ZNF217: variants seen among roughly 807,000 people sequenced by gnomAD.
ZNF217 encodes the protein zinc finger protein 217.
Under a neutral mutation model 73.3 loss-of-function variants are expected in ZNF217, and 12 were observed. The ratio of observed to expected loss-of-function variants is 0.16; its 90% CI spans 0.10 to 0.27. The LOEUF (loss-of-function observed/expected upper bound fraction) is 0.27. ZNF217 is among the 10% of genes least tolerant of loss of function. The probability of loss-of-function intolerance (pLI) is 1.00; values close to 1 mark genes in which losing one functional copy is unlikely to be tolerated. For synonymous variants in ZNF217, 588 were observed against 516.4 expected (o/e 1.14, Z -1.88); for missense variants, 1,195 against 1,327.8 (o/e 0.90, Z 1.55).
upstream of ZNF217, among the ~76,000 whole-genome samples, chr20:53,596,959 G>A (rs573128472): frequency 2.8e-4 from 42 of 151,644 alleles, no homozygotes; most frequent in South Asian, 1.2e-3. Context: ...CCTAGTATGC[G>A]CTTATAAAAT....
At position 53,575,878 on chromosome 20, in the gene ZNF217, C is replaced by T. The variant is rs45439395; in HGVS notation, c.2886G>A (p.Pro962=). The T allele has an allele frequency of 6.4e-3, 10,410 of 1,614,204 alleles. 48 individuals are homozygous for T. The highest frequency in any genetic ancestry group is 7.9e-3 in the Non-Finnish European group (9,357 of 1,180,040). Reference sequence around the variant, plus strand: ...TTGGTTTGGGAGGCAGCGCCTGCGACGGATACACACAGTCCTGCGGTAACA... The same window carrying T: ...TTGGTTTGGGAGGCAGCGCCTGCGATGGATACACACAGTCCTGCGGTAACA... ...TSLLPQDCVY[P]SQALPPKPRF... Residue 962 remains proline, a synonymous_variant, in exon 4 of 6, where the codon CCG becomes CCA. Coordinates refer to ENST00000371471, the MANE Select transcript of ZNF217 (RefSeq NM_006526.3).
At position 53,569,064 on chromosome 20, in the gene ZNF217, C is replaced by A; in HGVS notation, c.*224G>T. The A allele has an allele frequency of 8.8e-7, 1 of 1,141,424 alleles. No homozygotes were observed. The highest frequency in any genetic ancestry group is 1.8e-5 in the South Asian group (1 of 56,080). The allele number at this position is 1,141,424 out of a possible 1,614,324, so 70.7% of individuals were successfully genotyped here. ...CAGTCCCCATGTATGTAAGTTCCAA[C>A]TGTTCCAACTAGTTTGTATTGCTAT... On this transcript the variant is annotated 3_prime_UTR_variant, in exon 6 of 6. Transcript: ENST00000371471.
intron 4 of ZNF217, 111 bp downstream of exon 4, chr20:53,575,609 GAACTTCT>G: frequency 1.0e-6 from 1 of 979,528 alleles, no homozygotes; most frequent in Admixed American, 3.0e-5. Flanking sequence ...TGACCCCCAA[GAACTTCT>G]GGCTGCCTAC....
Position 53,567,563 on chromosome 20 carries a change from C to G in ZNF217, c.*1725G>C, listed in dbSNP as rs1246919147. On this transcript the variant is annotated 3_prime_UTR_variant, in exon 6 of 6. Coordinates refer to ENST00000371471, the MANE Select transcript of ZNF217 (RefSeq NM_006526.3). Reference sequence around the variant, plus strand: ...TCTAGTCACAGCAAGCTCTCTGTAACACTCATTGGATTAGGCAAAGATTGA... The same window carrying G: ...TCTAGTCACAGCAAGCTCTCTGTAAGACTCATTGGATTAGGCAAAGATTGA... 6.6e-6 allele frequency: 1 copy of G among 152,540 alleles called. No homozygotes were observed. The highest frequency in any genetic ancestry group is 2.4e-5 in the African/African-American group (1 of 41,412). The allele number at this position is 152,540 out of a possible 1,614,324, so 9.4% of individuals were successfully genotyped here. A position where few individuals can be genotyped will look rare whatever the true frequency, so the allele number is the denominator to read the frequency against.
Position 53,582,581 on chromosome 20 carries a change from T to C in ZNF217, c.246A>G (p.Lys82=), listed in dbSNP as rs1205675159. Residue 82 remains lysine (K), a synonymous_variant, in exon 2 of 6, where the codon AAA becomes AAG. Transcript: ENST00000371471. The surrounding 1 kb of genome is among the most constrained non-coding windows in gnomAD (Gnocchi z 4.8). The part of the protein sequence containing the change: ...QTFTHSEDLN[K]HVLMQHRPTL... Reference sequence around the variant, plus strand: ...TAGGCCGGTGTTGCATTAAGACATGTTTATTAAGGTCTTCTGAATGTGTGA... The same window carrying C: ...TAGGCCGGTGTTGCATTAAGACATGCTTATTAAGGTCTTCTGAATGTGTGA... The C allele has an allele frequency of 2.5e-6, 4 of 1,614,024 alleles. No individual in the cohort carries two copies. Among genetic ancestry groups the C allele is most frequent in the African/African-American group, 2.7e-5 (2 of 74,896 alleles).
At chr20:53,578,605 C>G (rs889196795) in intron 2 of ZNF217, among the ~76,000 whole-genome samples, 155 bp from the exon 3 acceptor site, 3 of 152,192 alleles carry the variant, frequency 2.0e-5, no homozygotes, top group African/African-American at 7.2e-5. Flanking sequence ...TAGACACACA[C>G]CAAATGCTGT....
At chr20:53,574,300 G>C (rs1467646784) in intron 4 of ZNF217, 2 of 152,158 alleles carry the variant, frequency 1.3e-5, no homozygotes, top group Non-Finnish European at 2.9e-5. Context: ...ACATTTAACA[G>C]CAAAACGGTT....
intron 1 of ZNF217, among the ~76,000 whole-genome samples, chr20:53,584,790 G>C (rs1988631078): frequency 6.6e-6 from 1 of 152,122 alleles, no homozygotes; most frequent in East Asian, 1.9e-4. Flanking sequence ...AGTGACTTAG[G>C]TTTCTATACA....
chr20:53,575,903 A>C lies in ZNF217; in HGVS notation c.2861T>G (p.Leu954Arg). The C allele has an allele frequency of 6.2e-7, 1 of 1,614,198 alleles. No individual in the cohort carries two copies. Among genetic ancestry groups the C allele is most frequent in the Non-Finnish European group, 8.5e-7 (1 of 1,180,038 alleles). Residue 954 changes from leucine to arginine, a missense_variant, in exon 4 of 6, where the codon CTG becomes CGG. This residue lies in a region of ZNF217 where 649 missense variants were observed against 642.8 expected (regional missense o/e 1.01). Coordinates refer to ENST00000371471, the MANE Select transcript of ZNF217 (RefSeq NM_006526.3). ...CGGATACACACAGTCCTGCGGTAACAGTGATGTGATGCCTCTGACCATATG... is the reference window on the plus strand; with the variant it reads ...CGGATACACACAGTCCTGCGGTAACCGTGATGTGATGCCTCTGACCATATG... ...KYHMVRGITS[L>R]LPQDCVYPSQ...
rs1988011429 is a variant in ZNF217 at position 53,571,655 on chromosome 20, C to T, written c.*23+66G>A. 4 of 1,535,854 alleles carry T rather than the reference C, an allele frequency of 2.6e-6. No individual in the cohort carries two copies. In the Admixed American group the frequency reaches 6.2e-5, roughly 24 times the overall value. The stretch of plus-strand genomic sequence containing the variant: ...TGCTCGATCTCAGGTGATCCGCCCG[C>T]CCTGACCTCCCAAATGGCCACCGCA... On this transcript the variant is annotated intron_variant, in intron 5 of 5. Transcript: ENST00000371471.
rs1297453140 is a variant in ZNF217, at chr20:53,581,515, C to G, written c.1312G>C (p.Glu438Gln). 1 of 1,614,064 alleles carries G rather than the reference C, an allele frequency of 6.2e-7. No homozygotes were observed. Among genetic ancestry groups the G allele is most frequent in the Non-Finnish European group, 8.5e-7 (1 of 1,179,940 alleles). The stretch of plus-strand genomic sequence containing the variant: ...TCAGATCCGTCTTCAGAACCACCTT[C>G]CCCTCGATCCACGGCTCCATTTTCA... Reference protein sequence around the residue: ...LDENGAVDRGEGGSEDGSEDG... With the variant: ...LDENGAVDRGQGGSEDGSEDG... Residue 438 changes from glutamate (E) to glutamine (Q), a missense_variant, in exon 2 of 6, where the codon GAA (glutamate) becomes CAA (glutamine). Physicochemically the swap from Glu to Gln is conservative, Grantham distance 29. Coordinates refer to ENST00000371471, the MANE Select transcript of ZNF217 (RefSeq NM_006526.3). The surrounding 1 kb of genome is among the most constrained non-coding windows in gnomAD (Gnocchi z 4.9).
At position 53,581,607 on chromosome 20, in the gene ZNF217, G is replaced by A. The variant is rs769370318; in HGVS notation, c.1220C>T (p.Ser407Leu). 2.7e-5 allele frequency: 44 copies of A among 1,614,074 alleles called. No homozygotes were observed. The highest frequency in any genetic ancestry group is 2.0e-4 in the Admixed American group (12 of 60,012). ...HKKDRRAGAE[S>L]PTMSVDGRQP... ...CCTCCCGTCCACAGACATGGTGGGC[G>A]ACTCCGCGCCGGCCCTCCGGTCCTT... The change falls in exon 2 of 6, where the codon TCG becomes TTG. Residue 407 changes from serine (S) to leucine (L), a missense_variant. Around this residue, in one of 9 missense-constraint regions of ZNF217, gnomAD observed 116 missense variants for 121.9 expected, o/e 0.95. Transcript: ENST00000371471. The surrounding 1 kb of genome is among the most constrained non-coding windows in gnomAD (Gnocchi z 4.9).
At position 53,577,113 on chromosome 20, in the gene ZNF217, T is replaced by G. The variant is rs1333424497; in HGVS notation, c.1651A>C (p.Ser551Arg). 6.2e-7 allele frequency: 1 copy of G among 1,614,260 alleles called. No individual in the cohort carries two copies. Among genetic ancestry groups the G allele is most frequent in the East Asian group, 2.2e-5 (1 of 44,890 alleles). The change falls in exon 4 of 6, where the codon AGT (serine) becomes CGT (arginine). Residue 551 changes from serine to arginine, a missense_variant. This residue lies in a region of ZNF217 where 649 missense variants were observed against 642.8 expected (regional missense o/e 1.01). Transcript: ENST00000371471. ...CTTTTCAAATTTTTGGTTTGCGCAC[T>G]GTCAGCGGTTAATAGTGCATCTTCA... ...DTEDALLTADSAQTKNLKRFF... is the reference protein window; with the variant it reads ...DTEDALLTADRAQTKNLKRFF...
At chr20:53,569,823 T>C (rs1375321370) in intron 5 of ZNF217, among the ~76,000 whole-genome samples, 1 of 152,172 alleles carries the variant, frequency 6.6e-6, no homozygotes, top group Non-Finnish European at 1.5e-5. Flanking sequence ...TAAAAGGCAG[T>C]TGCCATGCAC....
At chr20:53,596,834 A>G (rs1989048703), upstream of ZNF217, among the ~76,000 whole-genome samples, 2 of 152,002 alleles carry the variant, frequency 1.3e-5, no homozygotes, top group Admixed American at 1.3e-4. Context: ...AGCTCTGCAC[A>G]TGGTACTTGG....
At chr20:53,575,656 A>G (rs917718445) in intron 4 of ZNF217, 71 bp downstream of exon 4, 13 of 1,422,900 alleles carry the variant, frequency 9.1e-6, no homozygotes, top group Non-Finnish European at 1.2e-5. Context: ...TACCATCTCC[A>G]CTGAGAATGC....
intron 4 of ZNF217, among the ~76,000 whole-genome samples, chr20:53,573,128 T>TATTG (rs1988088853): frequency 6.8e-6 from 1 of 146,646 alleles, no homozygotes; most frequent in East Asian, 1.9e-4. Flanking sequence ...TAGTACTATT[T>TATTG]TTTTTTTTTT....
chr20:53,580,184 T>G (rs541386849), intron 2 of ZNF217, among the ~76,000 whole-genome samples: 1 of 152,180 alleles, frequency 6.6e-6, no homozygotes, highest in Non-Finnish European at 1.5e-5. Context: ...ATATACAGAC[T>G]ACAGTTCTCA....
intron 1 of ZNF217, among the ~76,000 whole-genome samples, chr20:53,590,542 G>C (rs1301414783): frequency 6.6e-5 from 10 of 152,046 alleles, no homozygotes. Flanking sequence ...GCAGTCAAGA[G>C]TCATTAAAAC....
Sources: allele counts gnomAD v4.1 joint callset (sites outside exome capture counted in the v4.1 genomes callset), GRCh38; gene constraint gnomAD v4.1.1; regional missense constraint gnomAD v4.1.1; non-coding constraint Gnocchi (gnomAD v3.1); transcripts MANE v1.5; gene names NCBI Gene and HGNC (gene_info 2026-07-23, HGNC 2026-07-21).